AGPS: variants seen among roughly 807,000 people sequenced by gnomAD.
AGPS encodes alkyldihydroxyacetonephosphate synthase, peroxisomal.
In AGPS, 26 loss-of-function variants were observed where a neutral mutation model predicts 90.7. The observed-to-expected ratio is 0.29, with a 90% CI of 0.21 to 0.40. The LOEUF is 0.40. AGPS is among the 10% of genes least tolerant of loss of function. AGPS has a pLI of 1.00. For missense variants in AGPS, 540 were observed against 816.1 expected, an observed-to-expected ratio of 0.66 and a Z score of 4.12; for synonymous variants, 294 against 285.3, an observed-to-expected ratio of 1.03 and a Z score of -0.31.
intron 1 of AGPS, among the ~76,000 whole-genome samples, chr2:177,413,733 G>C (rs1298612388): frequency 6.6e-6 from 1 of 152,190 alleles, no homozygotes; most frequent in Non-Finnish European, 1.5e-5. Context: ...AGGGTAAAGG[G>C]TAGGATGGTT....
chr2:177,454,105 A>T, intron 8 of AGPS, among the ~76,000 whole-genome samples: 1 of 150,246 alleles, frequency 6.7e-6, no homozygotes. Context: ...AGCTTTTTTG[A>T]TTTGTGGCTT....
chr2:177,475,775 T>G (rs998487708), intron 10 of AGPS, among the ~76,000 whole-genome samples: 9 of 152,126 alleles, frequency 5.9e-5, no homozygotes, highest in Non-Finnish European at 1.3e-4. Context: ...AACTTTTGTG[T>G]GACATATTTT....
intron 1 of AGPS, among the ~76,000 whole-genome samples, chr2:177,412,386 G>T (rs1685646295): frequency 6.6e-6 from 1 of 152,090 alleles, no homozygotes; most frequent in African/African-American, 2.4e-5. Flanking sequence ...CCTCTAGTTG[G>T]CCCTTGGCTT....
At chr2:177,476,651 G>A (rs1277621168) in intron 10 of AGPS, among the ~76,000 whole-genome samples, 12 of 152,058 alleles carry the variant, frequency 7.9e-5, no homozygotes, top group Admixed American at 7.9e-4. Context: ...CTGTTGTTGG[G>A]TGGAGTGTTC....
At chr2:177,469,312 A>G (rs1318493449) in intron 10 of AGPS, among the ~76,000 whole-genome samples, 2 of 152,144 alleles carry the variant, frequency 1.3e-5, no homozygotes, top group Non-Finnish European at 2.9e-5. Flanking sequence ...ATATTTTGGT[A>G]ACATTTAGCT....
At chr2:177,532,442 TA>T (rs1046480258) in intron 19 of AGPS, among the ~76,000 whole-genome samples, 1 of 151,914 alleles carries the variant, frequency 6.6e-6, no homozygotes, top group Non-Finnish European at 1.5e-5. Flanking sequence ...ATGGCTAAAA[TA>T]AAAAAATAGT....
intron 1 of AGPS, among the ~76,000 whole-genome samples, chr2:177,395,167 T>G (rs1685137899): frequency 1.3e-5 from 2 of 152,218 alleles, no homozygotes; most frequent in African/African-American, 4.8e-5. Context: ...TTTATGTAGA[T>G]TCACACTCTT....
intron 6 of AGPS, among the ~76,000 whole-genome samples, chr2:177,441,941 T>C (rs186589972): frequency 8.1e-4 from 123 of 152,344 alleles, no homozygotes; most frequent in African/African-American, 2.9e-3. Flanking sequence ...TCTATTCTAA[T>C]TTATTAAAGC....
At chr2:177,480,566 T>C (rs7568452) in intron 10 of AGPS, among the ~76,000 whole-genome samples, 131,159 of 151,992 alleles carry the variant, frequency 0.86, 56,793 homozygotes, top group East Asian at 0.95. Flanking sequence ...CATCATACAC[T>C]GGGGCCTGTT....
At chr2:177,425,509 TACTCATGAGGCTGAGGCAGGAG>T (rs1409150694) in intron 2 of AGPS, among the ~76,000 whole-genome samples, 2 of 150,270 alleles carry the variant, frequency 1.3e-5, no homozygotes, top group African/African-American at 2.5e-5. Context: ...TAATCCCAGC[TACTCATGAGGCTGAGGCAGGAG>T]ACTCGCTTGA....
intron 11 of AGPS, among the ~76,000 whole-genome samples, chr2:177,492,862 T>G (rs1688305023): frequency 2.0e-5 from 3 of 152,230 alleles, no homozygotes; most frequent in Admixed American, 1.3e-4. Flanking sequence ...TCATATGTCT[T>G]TGCCAGACAT....
At position 177,471,672 on chromosome 2, in the gene AGPS, C is replaced by T. The variant is rs1278068058; in HGVS notation, c.1105+3148C>T. 3.9e-5 allele frequency among the ~76,000 whole-genome samples: 6 copies of T among 152,126 alleles called. No individual in the cohort carries two copies. The East Asian group carries it at 1.2e-3, about 29-fold the overall frequency. ...ATGTCAGTTCTTTTGTAAAGTTTCA[C>T]TAGTTATTCTTTGCTTAAATGAAGA... On this transcript the variant is annotated intron_variant, in intron 10 of 19. Coordinates refer to ENST00000264167, the MANE Select transcript of AGPS (RefSeq NM_003659.4).
At chr2:177,490,330 C>T (rs575717991) in intron 11 of AGPS, among the ~76,000 whole-genome samples, 1 of 152,136 alleles carries the variant, frequency 6.6e-6, no homozygotes, top group South Asian at 2.1e-4. Context: ...TTTTTGAGTG[C>T]TTTACTTATA....
chr2:177,394,086 A>G (rs549802909), intron 1 of AGPS, among the ~76,000 whole-genome samples: 113 of 152,354 alleles, frequency 7.4e-4, no homozygotes, highest in African/African-American at 2.7e-3. Context: ...AAGCACATCA[A>G]ATTGACTTCA....
intron 5 of AGPS, among the ~76,000 whole-genome samples, chr2:177,437,434 A>G (rs1438236032): frequency 2.0e-5 from 3 of 152,168 alleles, no homozygotes; most frequent in Non-Finnish European, 4.4e-5. Context: ...TGTTGATATC[A>G]GCTTGTGAGC....
intron 3 of AGPS, among the ~76,000 whole-genome samples, chr2:177,436,445 C>T (rs866667160): frequency 2.6e-5 from 4 of 152,030 alleles, no homozygotes; most frequent in Non-Finnish European, 5.9e-5. Context: ...CCACTGCACC[C>T]GGCCAGAAAT....
At chr2:177,536,286 A>G (rs141257332) in intron 19 of AGPS, among the ~76,000 whole-genome samples, 3 of 152,214 alleles carry the variant, frequency 2.0e-5, no homozygotes, top group Middle Eastern at 3.4e-3. Flanking sequence ...GTGAAACTGT[A>G]TTACAGATAA....
chr2:177,453,638 G>T (rs1451915576), intron 8 of AGPS, among the ~76,000 whole-genome samples: 2 of 146,266 alleles, frequency 1.4e-5, no homozygotes, highest in African/African-American at 5.0e-5. Flanking sequence ...GAAGAATAGT[G>T]TTCTTCTTTA....
intron 2 of AGPS, among the ~76,000 whole-genome samples, chr2:177,430,501 G>C (rs1018537821): frequency 6.6e-6 from 1 of 152,212 alleles, no homozygotes; most frequent in South Asian, 2.1e-4. Flanking sequence ...GGTCATGAGG[G>C]GATCTCCTGA....
Sources: allele counts gnomAD v4.1 joint callset (sites outside exome capture counted in the v4.1 genomes callset), GRCh38; gene constraint gnomAD v4.1.1; transcripts MANE v1.5; gene names NCBI Gene and HGNC (gene_info 2026-07-23, HGNC 2026-07-21).